The following EIPR1 variants were observed in gnomAD, a reference collection of about 807,000 sequenced individuals.
The protein encoded by EIPR1 is EARP complex and GARP complex interacting protein 1.
A neutral mutation model predicts 48.1 loss-of-function variants in EIPR1; 25 were observed. The ratio of observed to expected loss-of-function variants is 0.52; its 90% CI spans 0.38 to 0.73. EIPR1 has a LOEUF of 0.73. EIPR1 is among the 30% of genes least tolerant of loss of function. The probability of loss-of-function intolerance (pLI) is 0.00; values close to 1 mark genes in which losing one functional copy is unlikely to be tolerated. For missense variants in EIPR1, 415 were observed against 506.2 expected, an observed-to-expected ratio of 0.82 and a Z score of 1.73; for synonymous variants, 204 against 201.9, an observed-to-expected ratio of 1.01 and a Z score of -0.09.
At chr2:3,280,553 C>T (rs1158319872) in intron 3 of EIPR1, among the ~76,000 whole-genome samples, 4 of 152,214 alleles carry the variant, frequency 2.6e-5, no homozygotes, top group Admixed American at 2.6e-4. Flanking sequence ...GCTCACAACC[C>T]TGACCGCGCC....
intron 3 of EIPR1, chr2:3,318,960 T>C (rs1181493925): frequency 8.5e-6 from 4 of 471,298 alleles, no homozygotes; most frequent in Non-Finnish European, 1.8e-5. Flanking sequence ...TGATGTCTCC[T>C]AAAAAGACAA....
chr2:3,343,514 T>C (rs1002209881), intron 2 of EIPR1, among the ~76,000 whole-genome samples: 1 of 152,232 alleles, frequency 6.6e-6, no homozygotes, highest in Non-Finnish European at 1.5e-5. Flanking sequence ...TCAAGCCACA[T>C]TGGATTTTTT....
At chr2:3,352,069 G>T (rs1344334079) in intron 2 of EIPR1, among the ~76,000 whole-genome samples, 142 of 116,866 alleles carry the variant, frequency 1.2e-3, no homozygotes, top group African/African-American at 3.8e-3. Flanking sequence ...CTACAGAAGC[G>T]ACCTGCCCCT....
chr2:3,262,782 T>C (rs1667373239), intron 3 of EIPR1, among the ~76,000 whole-genome samples: 1 of 152,196 alleles, frequency 6.6e-6, no homozygotes, highest in Non-Finnish European at 1.5e-5. Flanking sequence ...CTCTGGGTCC[T>C]GATAATGGAG....
intron 2 of EIPR1, among the ~76,000 whole-genome samples, chr2:3,338,576 G>T (rs1670138475): frequency 6.6e-6 from 1 of 152,166 alleles, no homozygotes; most frequent in Non-Finnish European, 1.5e-5. Context: ...TGCCTAATTA[G>T]GTCTGGGACT....
intron 3 of EIPR1, among the ~76,000 whole-genome samples, chr2:3,316,125 A>C (rs111524642): frequency 4.8e-4 from 47 of 98,572 alleles, no homozygotes; most frequent in South Asian, 8.6e-4. Flanking sequence ...CCATCCCCAT[A>C]CACACCCCCA....
chr2:3,304,501 G>A, intron 3 of EIPR1, among the ~76,000 whole-genome samples: 1 of 12,270 alleles, frequency 8.1e-5, no homozygotes, highest in Non-Finnish European at 1.5e-4. Context: ...AGTCCCATCA[G>A]TTCAGCCCTC....
intron 4 of EIPR1, among the ~76,000 whole-genome samples, chr2:3,220,421 T>G (rs375357622): frequency 1.3e-5 from 2 of 151,772 alleles, no homozygotes; most frequent in African/African-American, 2.4e-5. Flanking sequence ...AGAGCATTTA[T>G]AGAGTCAGGT....
At chr2:3,337,713 G>A (rs1207188466) in intron 3 of EIPR1, among the ~76,000 whole-genome samples, 1 of 152,132 alleles carries the variant, frequency 6.6e-6, no homozygotes, top group Non-Finnish European at 1.5e-5. Flanking sequence ...TCCCCACAAC[G>A]TACAGTTTCC....
chr2:3,228,307 T>C (rs745307150), intron 4 of EIPR1, among the ~76,000 whole-genome samples: 21 of 152,280 alleles, frequency 1.4e-4, no homozygotes, highest in Non-Finnish European at 2.6e-4. Flanking sequence ...TAAGGTTTAA[T>C]GACTGCTCTG....
At chr2:3,360,700 A>G (rs1309523209) in intron 1 of EIPR1, among the ~76,000 whole-genome samples, 1 of 152,240 alleles carries the variant, frequency 6.6e-6, no homozygotes, top group African/African-American at 2.4e-5. Flanking sequence ...AACAGGTAGC[A>G]AACCGTGTCC....
intron 4 of EIPR1, among the ~76,000 whole-genome samples, chr2:3,255,285 T>A (rs753237540): frequency 6.6e-6 from 1 of 151,842 alleles, no homozygotes; most frequent in Admixed American, 6.6e-5. Context: ...CAGATTCAAG[T>A]GATTCTTCTG....
chr2:3,359,450 A>G (rs1670804103), intron 1 of EIPR1, among the ~76,000 whole-genome samples: 1 of 152,240 alleles, frequency 6.6e-6, no homozygotes, highest in Non-Finnish European at 1.5e-5. Context: ...CATCTGTTTC[A>G]GACAGAGTGA....
intron 3 of EIPR1, among the ~76,000 whole-genome samples, chr2:3,260,547 G>GAAGGAAAGA (rs372742244): frequency 6.6e-6 from 1 of 150,968 alleles, no homozygotes; most frequent in Non-Finnish European, 1.5e-5. Context: ...GGGAAGGAGG[G>GAAGGAAAGA]AAGGAAAGAA....
intron 2 of EIPR1, among the ~76,000 whole-genome samples, chr2:3,348,073 G>A (rs1163847030): frequency 2.0e-5 from 3 of 152,178 alleles, no homozygotes; most frequent in South Asian, 2.1e-4. Context: ...GCAGGCGGGG[G>A]GGCTGCAGGA....
chr2:3,192,870 GAA>G (rs5828967), intron 7 of EIPR1, among the ~76,000 whole-genome samples: 242 of 144,706 alleles, frequency 1.7e-3, no homozygotes, highest in Admixed American at 1.9e-3. Flanking sequence ...TCTAAAATTC[GAA>G]AAAAAAAAAA....
chr2:3,203,149 G>A (rs900390746), intron 5 of EIPR1, among the ~76,000 whole-genome samples: 12 of 152,344 alleles, frequency 7.9e-5, no homozygotes, highest in Admixed American at 3.9e-4. Context: ...TTTGACAGAT[G>A]AGAAAACTGA....
Position 3,246,827 on chromosome 2 carries a change from G to C in EIPR1, c.416+10472C>G, listed in dbSNP as rs868142772. 3.2e-3 allele frequency among the ~76,000 whole-genome samples: 244 copies of C among 77,124 alleles called. 1 individual carries two copies. The highest frequency in any genetic ancestry group is 7.2e-3 in the Middle Eastern group (1 of 138). The allele number at this position is 77,124 out of a possible 152,430, so 50.6% of individuals were successfully genotyped here. On this transcript the variant is annotated intron_variant, in intron 4 of 8. Transcript: ENST00000382125. ...AGGCAGGGAGGGAGGGAGGGAGGAA[G>C]GGAGGGAAGGAGGAAGGGAGGGAAG...
intron 4 of EIPR1, among the ~76,000 whole-genome samples, chr2:3,226,330 A>C (rs555737620): frequency 6.6e-5 from 10 of 152,118 alleles, no homozygotes; most frequent in Non-Finnish European, 1.5e-4. Flanking sequence ...GTGTGAGGTG[A>C]TGTCTCATTG....
Sources: allele counts gnomAD v4.1 joint callset (sites outside exome capture counted in the v4.1 genomes callset), GRCh38; gene constraint gnomAD v4.1.1; transcripts MANE v1.5; gene names NCBI Gene and HGNC (gene_info 2026-07-23, HGNC 2026-07-21).